SMC3: variants seen among roughly 807,000 people sequenced by gnomAD.
SMC3 encodes the protein structural maintenance of chromosomes 3.
A neutral mutation model predicts 171.8 loss-of-function variants in SMC3; 20 were observed. The ratio of observed to expected loss-of-function variants is 0.12; its 90% CI spans 0.08 to 0.17. The LOEUF is 0.17. Among genes scored for constraint, SMC3 ranks in the 10% least tolerant of loss-of-function variants. The probability of loss-of-function intolerance (pLI) is 1.00; values close to 1 mark genes in which losing one functional copy is unlikely to be tolerated. For synonymous variants in SMC3, 464 were observed against 451.1 expected (o/e 1.03, Z -0.36); for missense variants, 543 against 1,420.4 (o/e 0.38, Z 9.93).
chr10:110,585,259 C>T (rs907449984), intron 13 of SMC3, among the ~76,000 whole-genome samples: 5 of 150,960 alleles, frequency 3.3e-5, no homozygotes, highest in Non-Finnish European at 7.4e-5. Context: ...GGGTTACAGG[C>T]GTGAGCCACC....
At position 110,590,577 on chromosome 10, in the gene SMC3, A is replaced by C; in HGVS notation, c.1670+5A>C. 1 of 1,613,770 alleles carries C rather than the reference A, an allele frequency of 6.2e-7. No individual in the cohort carries two copies. ...GGAAGTCACTGCTGGAAACAGGTTA[A>C]AGCTTTTGCTTGATATTTAGCATTT... On this transcript the variant is annotated splice_donor_5th_base_variant and intron_variant, in intron 16 of 28. Coordinates refer to ENST00000361804, the MANE Select transcript of SMC3 (RefSeq NM_005445.4).
rs1338092464 is a variant in SMC3 at position 110,583,687 on chromosome 10, C to T, written c.969+139C>T. On this transcript the variant is annotated intron_variant, in intron 11 of 28. Transcript: ENST00000361804. ...GTTAGCATAATTTGTACTCAAGTAACAACTTGGTACTGTCCCTTTGTTTCT... is the reference window on the plus strand; with the variant it reads ...GTTAGCATAATTTGTACTCAAGTAATAACTTGGTACTGTCCCTTTGTTTCT... 10 of 1,165,198 alleles carry T rather than the reference C, an allele frequency of 8.6e-6. No individual in the cohort carries two copies. In the African/African-American group the frequency reaches 1.4e-4, roughly 16 times the overall value. 72.2% of individuals were successfully genotyped at this position (1,165,198 alleles called of 1,614,324 possible). A position where few individuals can be genotyped will look rare whatever the true frequency, so the allele number is the denominator to read the frequency against.
chr10:110,577,505 T>G lies in SMC3; in HGVS notation c.270+13T>G, dbSNP rs759329645. Reference sequence around the variant, plus strand: ...CAACCGGTTACCAGTAAGTAACTTTTTTTTTAAAGTAATGTTGAGAATTTA... The same window carrying G: ...CAACCGGTTACCAGTAAGTAACTTTGTTTTTAAAGTAATGTTGAGAATTTA... On this transcript the variant is annotated intron_variant, in intron 5 of 28. Coordinates refer to ENST00000361804, the MANE Select transcript of SMC3 (RefSeq NM_005445.4). The G allele has an allele frequency of 1.9e-6, 3 of 1,559,632 alleles. No homozygotes were observed. In the African/African-American group the frequency reaches 4.1e-5, roughly 21 times the overall value.
At chr10:110,569,141 A>G (rs1860828455) in intron 2 of SMC3, 128 bp downstream of exon 2, 1 of 710,788 alleles carries the variant, frequency 1.4e-6, no homozygotes, top group Non-Finnish European at 2.5e-6. Flanking sequence ...TTCTGCGTGA[A>G]ATAACTTTTC....
In SMC3 at chr10:110,599,656, A is replaced by G; in HGVS notation, c.2271A>G (p.Gln757=). ...QQSEKTFMPK[Q]RSLQSLEASL... is the part of the protein sequence containing the mutation. The stretch of plus-strand genomic sequence containing the variant: ...AATAAATGGATAATGTCATATAGCA[A>G]CGTAGCTTACAGAGTTTGGAGGCAA... Residue 757 remains glutamine, a splice_region_variant and synonymous_variant, in exon 21 of 29, where the codon CAA becomes CAG. Transcript: ENST00000361804. The G allele has an allele frequency of 1.2e-6, 2 of 1,613,690 alleles. No individual in the cohort carries two copies. The highest frequency in any genetic ancestry group is 1.7e-6 in the Non-Finnish European group (2 of 1,179,634).
intron 7 of SMC3, 136 bp from the exon 8 acceptor site, chr10:110,580,768 G>T: frequency 1.4e-6 from 1 of 692,164 alleles, no homozygotes; most frequent in East Asian, 2.6e-5. Flanking sequence ...TCTAAAATCT[G>T]TAACACTTCT....
chr10:110,597,413 C>T (rs886593077), intron 19 of SMC3, among the ~76,000 whole-genome samples: 25 of 152,046 alleles, frequency 1.6e-4, no homozygotes, highest in Non-Finnish European at 2.9e-5. Flanking sequence ...TCCATTTTGC[C>T]ACACAAGTTG....
At position 110,593,213 on chromosome 10, in the gene SMC3, T is replaced by C; in HGVS notation, c.1953T>C (p.Ile651=). The change falls in exon 18 of 29, where the codon ATT becomes ATC. Residue 651 remains isoleucine, a synonymous_variant. Transcript: ENST00000361804. ...QLARAFTMDC[I]TLEGDQVSHR... Reference sequence around the variant, plus strand: ...CCCGTGCTTTCACTATGGACTGTATTACTTTGGAAGGTTTGTAATACTAAT... The same window carrying C: ...CCCGTGCTTTCACTATGGACTGTATCACTTTGGAAGGTTTGTAATACTAAT... 1 of 1,614,088 alleles carries C rather than the reference T, an allele frequency of 6.2e-7. No homozygotes were observed. Among genetic ancestry groups the C allele is most frequent in the Non-Finnish European group, 8.5e-7 (1 of 1,179,916 alleles).
chr10:110,602,417 TAA>T, intron 25 of SMC3, 55 bp from the exon 26 acceptor site: 2 of 1,363,946 alleles, frequency 1.5e-6, no homozygotes, highest in Admixed American at 3.6e-5. Context: ...ATATTTTACT[TAA>T]GTGTTATATA....
At chr10:110,595,299 C>T (rs147642931) in intron 18 of SMC3, among the ~76,000 whole-genome samples, 8 of 152,092 alleles carry the variant, frequency 5.3e-5, no homozygotes, top group Non-Finnish European at 7.4e-5. Context: ...AAATATAAGA[C>T]AGTTCCTCCT....
At chr10:110,570,763 T>C (rs911948270) in intron 2 of SMC3, among the ~76,000 whole-genome samples, 1 of 152,234 alleles carries the variant, frequency 6.6e-6, no homozygotes, top group Non-Finnish European at 1.5e-5. Flanking sequence ...ACCTCTGTGA[T>C]TGCAGCATTA....
chr10:110,581,966 A>G lies in SMC3; in HGVS notation c.591A>G (p.Glu197=). The change falls in exon 9 of 29, where the codon GAA becomes GAG. Residue 197 remains glutamate (E), a synonymous_variant. Coordinates refer to ENST00000361804, the MANE Select transcript of SMC3 (RefSeq NM_005445.4). ...TCAATGAGTTGTTAAAATACATTGAAGAGAGATTACATACTCTAGAGGAAG... is the reference window on the plus strand; with the variant it reads ...TCAATGAGTTGTTAAAATACATTGAGGAGAGATTACATACTCTAGAGGAAG... ...EKINELLKYI[E]ERLHTLEEEK... 6.2e-7 allele frequency: 1 copy of G among 1,613,682 alleles called. No individual in the cohort carries two copies. The highest frequency in any genetic ancestry group is 8.5e-7 in the Non-Finnish European group (1 of 1,179,676).
In SMC3 at chr10:110,602,526, C is replaced by G; in HGVS notation, c.3158C>G (p.Ala1053Gly). Residue 1053 changes from alanine (A) to glycine (G), a missense_variant, in exon 26 of 29, where the codon GCT (alanine) becomes GGT (glycine). Transcript: ENST00000361804. ...VFQKLVPGGKATLVMKKGDVE... is the reference protein window; with the variant it reads ...VFQKLVPGGKGTLVMKKGDVE... ...CAGAAGTTAGTACCTGGTGGCAAAGCTACTTTGGTGATGAAGAAAGGAGAT... is the reference window on the plus strand; with the variant it reads ...CAGAAGTTAGTACCTGGTGGCAAAGGTACTTTGGTGATGAAGAAAGGAGAT... 6.2e-7 allele frequency: 1 copy of G among 1,613,502 alleles called. No individual in the cohort carries two copies. The highest frequency in any genetic ancestry group is 8.5e-7 in the Non-Finnish European group (1 of 1,179,614).
intron 17 of SMC3, 86 bp downstream of exon 17, chr10:110,591,218 TATAC>T: frequency 7.8e-7 from 1 of 1,281,838 alleles, no homozygotes; most frequent in Non-Finnish European, 1.1e-6. Flanking sequence ...GCCCAGGCAC[TATAC>T]ACTGGGATTC....
intron 18 of SMC3, 128 bp downstream of exon 18, chr10:110,593,351 C>T (rs896424578): frequency 1.1e-5 from 10 of 885,792 alleles, no homozygotes; most frequent in Non-Finnish European, 1.8e-5. Flanking sequence ...GCGGGTGGAT[C>T]ACCTGAAGTC....
At chr10:110,586,333 T>TG (rs1212804780) in intron 13 of SMC3, among the ~76,000 whole-genome samples, 5 of 152,222 alleles carry the variant, frequency 3.3e-5, no homozygotes, top group Admixed American at 3.3e-4. Flanking sequence ...CCAGTCGTGC[T>TG]GTGGGTTTTA....
At chr10:110,581,327 C>T (rs1015363510) in intron 8 of SMC3, among the ~76,000 whole-genome samples, 3 of 151,264 alleles carry the variant, frequency 2.0e-5, no homozygotes, top group Non-Finnish European at 4.4e-5. Flanking sequence ...AAGTGATTCT[C>T]CTGCCTCAGC....
At position 110,601,782 on chromosome 10, in the gene SMC3, C is replaced by T; in HGVS notation, c.2790C>T (p.Gly930=). The change falls in exon 24 of 29, where the codon GGC becomes GGT. Residue 930 remains glycine (G), a synonymous_variant. Transcript: ENST00000361804. ...KELEKMTNRQ[G]MLLKKKEECM... ...TGGAAAAGATGACAAATCGGCAAGG[C>T]ATGCTATTGAAGAAGAAAGAAGAGT... 1.2e-6 allele frequency: 2 copies of T among 1,613,750 alleles called. No individual in the cohort carries two copies. Among genetic ancestry groups the T allele is most frequent in the South Asian group, 2.2e-5 (2 of 91,070 alleles).
chr10:110,599,839 A>G, intron 21 of SMC3, 27 bp downstream of exon 21: 1 of 1,611,754 alleles, frequency 6.2e-7, no homozygotes. Context: ...CTGGAAAAAG[A>G]ATTCGTTAGT....
Sources: gnomAD v4.1 joint callset for allele counts (sites outside exome capture counted in the v4.1 genomes callset) on GRCh38, gnomAD v4.1.1 for gene constraint, MANE v1.5 for transcripts, NCBI Gene and HGNC (gene_info 2026-07-23, HGNC 2026-07-21) for gene names.